ANKRD26: variants seen among roughly 807,000 people sequenced by gnomAD.
The protein encoded by ANKRD26 is ankyrin repeat domain 26.
ANKRD26 carries 141 observed loss-of-function variants against 208.7 expected under a neutral mutation model. That is an observed-to-expected ratio of 0.68 (90% CI 0.59 to 0.78). ANKRD26 has a LOEUF of 0.78. Among genes scored for constraint, ANKRD26 ranks in the 30% least tolerant of loss-of-function variants. The pLI is 0.00. For missense variants in ANKRD26, 1,889 were observed against 1,938.7 expected, an observed-to-expected ratio of 0.97 and a Z score of 0.48; for synonymous variants, 636 against 660.4, an observed-to-expected ratio of 0.96 and a Z score of 0.57.
Position 27,017,744 on chromosome 10 carries a change from GTAGACATT to G in ANKRD26, c.4256_4263del (p.Lys1419ThrfsTer24). 1 of 1,613,226 alleles carries G rather than the reference GTAGACATT, an allele frequency of 6.2e-7. No individual in the cohort carries two copies. Among genetic ancestry groups the G allele is most frequent in the South Asian group, 1.1e-5 (1 of 90,976 alleles). On this transcript the variant is annotated frameshift_variant, in exon 30 of 34. Coordinates refer to ENST00000376087, the MANE Select transcript of ANKRD26 (RefSeq NM_014915.3). LOFTEE classifies it high-confidence loss of function. ...AGAATTTGGTTCTTTGTATCCAGAT[GTAGACATT>G]TTGAACCTGCAGTCTCCAGTTCTGC... is the stretch of plus-strand genomic sequence containing the variant.
At chr10:27,086,143 T>C (rs150120086) in intron 5 of ANKRD26, among the ~76,000 whole-genome samples, 325 of 152,244 alleles carry the variant, frequency 2.1e-3, no homozygotes, top group Non-Finnish European at 4.0e-3. Flanking sequence ...GTAATTAATA[T>C]TCATTTAATA....
In ANKRD26 at chr10:27,014,705, C is replaced by T. The variant is rs1409346040; in HGVS notation, c.4513G>A (p.Ala1505Thr). The stretch of plus-strand genomic sequence containing the variant: ...TGCTCTAAGTTTTCTTGAGATGCTG[C>T]TTGTGCCTAAAACAAATTAAAAGCA... ...KEVNLFLQAQAASQENLEQFR... is the reference protein window; with the variant it reads ...KEVNLFLQAQTASQENLEQFR... The change falls in exon 31 of 34, where the codon GCA becomes ACA. Residue 1505 changes from alanine (A) to threonine (T), a missense_variant. Transcript: ENST00000376087. The T allele has an allele frequency of 2.5e-6, 4 of 1,611,928 alleles. No homozygotes were observed. The highest frequency in any genetic ancestry group is 1.1e-5 in the South Asian group (1 of 90,958).
At chr10:27,024,249 A>G (rs1323489825) in intron 28 of ANKRD26, among the ~76,000 whole-genome samples, 198 bp downstream of exon 28, 1 of 152,222 alleles carries the variant, frequency 6.6e-6, no homozygotes, top group Admixed American at 6.5e-5. Flanking sequence ...TTTCAAAATC[A>G]TTAAAGAATA....
At position 27,092,383 on chromosome 10, in the gene ANKRD26, C is replaced by G. The variant is rs772995612; in HGVS notation, c.638+23G>C. The G allele has an allele frequency of 5.7e-6, 9 of 1,566,568 alleles. No homozygotes were observed. In the Admixed American group the frequency reaches 1.5e-4, roughly 27 times the overall value. On this transcript the variant is annotated intron_variant, in intron 4 of 33. Coordinates refer to ENST00000376087, the MANE Select transcript of ANKRD26 (RefSeq NM_014915.3). ...TTTTAAACATACAAGTTTAAAAATCCAAAACAAAACCAGCTACTGTACCTT... is the reference window on the plus strand; with the variant it reads ...TTTTAAACATACAAGTTTAAAAATCGAAAACAAAACCAGCTACTGTACCTT...
chr10:27,030,639 G>C (rs1228962399), intron 25 of ANKRD26: 6 of 973,762 alleles, frequency 6.2e-6, no homozygotes, highest in Non-Finnish European at 7.3e-6. Flanking sequence ...TTTCTTTTCA[G>C]GGTGAAAAAC....
At chr10:27,059,264 T>G (rs139738682) in intron 15 of ANKRD26, among the ~76,000 whole-genome samples, 7 of 152,274 alleles carry the variant, frequency 4.6e-5, no homozygotes, top group African/African-American at 1.7e-4. Context: ...TTTAATTAAA[T>G]GTACAGTAAT....
chr10:27,086,411 A>C, intron 5 of ANKRD26, 128 bp downstream of exon 5: 1 of 1,194,092 alleles, frequency 8.4e-7, no homozygotes. Context: ...AAGAGAAATT[A>C]AGAAAAAATA....
At chr10:26,955,144 T>C in the ANKRD26 span, among the ~76,000 whole-genome samples, 1 of 151,866 alleles carries the variant, frequency 6.6e-6, no homozygotes. Context: ...ATATATATTT[T>C]GGGGTTGGGC....
chr10:27,041,859 G>C (rs145606898), intron 20 of ANKRD26, among the ~76,000 whole-genome samples: 72 of 152,228 alleles, frequency 4.7e-4, no homozygotes, highest in Middle Eastern at 3.4e-3. Flanking sequence ...CACAGATTCA[G>C]AAAGGATATG....
chr10:26,985,665 G>C (rs79953357), intron 3 of ANKRD26, among the ~76,000 whole-genome samples: 4,483 of 152,220 alleles, frequency 0.029, 79 homozygotes, highest in African/African-American at 0.055. Context: ...AAAAGTTTCT[G>C]TTTTTGAATG....
At chr10:26,967,988 C>G in the ANKRD26 span, among the ~76,000 whole-genome samples, 1 of 152,182 alleles carries the variant, frequency 6.6e-6, no homozygotes, top group Non-Finnish European at 1.5e-5. Context: ...GCATTCGACT[C>G]TGTGGCCAGT....
At chr10:27,083,971 T>A (rs1370432796) in intron 5 of ANKRD26, among the ~76,000 whole-genome samples, 1 of 152,056 alleles carries the variant, frequency 6.6e-6, no homozygotes, top group African/African-American at 2.4e-5. Flanking sequence ...TCCCAGCACT[T>A]TGGGAGGCTG....
intron 30 of ANKRD26, 74 bp downstream of exon 30, chr10:27,017,428 A>T: frequency 6.6e-7 from 1 of 1,510,092 alleles, no homozygotes; most frequent in Non-Finnish European, 9.2e-7. Context: ...GATGTAGAGG[A>T]AACACATATA....
At chr10:27,048,074 C>T (rs1320534386) in intron 17 of ANKRD26, among the ~76,000 whole-genome samples, 2 of 152,016 alleles carry the variant, frequency 1.3e-5, no homozygotes, top group Non-Finnish European at 2.9e-5. Flanking sequence ...AAAACATGCA[C>T]AAGGATATCA....
chr10:27,015,092 T>C (rs529273637), intron 30 of ANKRD26, among the ~76,000 whole-genome samples: 1 of 152,366 alleles, frequency 6.6e-6, no homozygotes, highest in East Asian at 1.9e-4. Context: ...AATGTGGAGA[T>C]ATTTTCGAAT....
intron 9 of ANKRD26, 49 bp downstream of exon 9, chr10:27,077,289 T>TG: frequency 1.4e-6 from 2 of 1,447,240 alleles, no homozygotes; most frequent in Non-Finnish European, 1.9e-6. Flanking sequence ...TGAGGATTGT[T>TG]GGGGCAGGGG....
chr10:27,020,055 T>C (rs781558896), intron 29 of ANKRD26, among the ~76,000 whole-genome samples: 5 of 152,210 alleles, frequency 3.3e-5, no homozygotes, highest in Admixed American at 1.3e-4. Context: ...AAGCCTCTTC[T>C]AATCTAATGC....
chr10:27,024,028 T>C (rs1033521354), intron 28 of ANKRD26, among the ~76,000 whole-genome samples: 5 of 88,082 alleles, frequency 5.7e-5, no homozygotes, highest in African/African-American at 1.5e-4. Flanking sequence ...AAAGAAAGCA[T>C]AAGCTAAATC....
rs188446159 is a variant in ANKRD26 at position 27,043,436 on chromosome 10, C to T, written c.2151G>A (p.Met717Ile). The T allele has an allele frequency of 2.9e-5, 46 of 1,613,986 alleles. 1 individual carries two copies. In the Admixed American group the frequency reaches 7.2e-4, roughly 25 times the overall value. The stretch of plus-strand genomic sequence containing the variant: ...ATGCAATGGTCCTACCTTTACACTC[C>T]ATTCCAAGTTGTTCAATGAGCAACA... ...NFMLLIEQLG[M>I]ECKDSVSLLK... The change falls in exon 20 of 34, where the codon ATG becomes ATA. Residue 717 changes from methionine (M) to isoleucine (I), a missense_variant. Physicochemically the swap from Met to Ile is conservative, Grantham distance 10. Around this residue, in one of 3 missense-constraint regions of ANKRD26, gnomAD observed 1,272 missense variants for 1,273.8 expected, o/e 1.00. Transcript: ENST00000376087.
Sources: allele counts gnomAD v4.1 joint callset (sites outside exome capture counted in the v4.1 genomes callset), GRCh38; gene constraint gnomAD v4.1.1; regional missense constraint gnomAD v4.1.1; transcripts MANE v1.5; gene names NCBI Gene and HGNC (gene_info 2026-07-23, HGNC 2026-07-21).